ULK4: variants seen among roughly 807,000 people sequenced by gnomAD.
ULK4 encodes inactive serine/threonine-protein kinase ULK4.
ULK4 carries 133 observed loss-of-function variants against 160.6 expected under a neutral mutation model. The observed-to-expected ratio is 0.83, with a 90% CI of 0.72 to 0.96. ULK4 has a LOEUF of 0.96. Ranked by LOEUF, ULK4 falls within the 40% of genes least tolerant of loss-of-function variation. ULK4 has a pLI of 0.00. For missense variants in ULK4, 1,580 were observed against 1,499.5 expected (o/e 1.05, Z -0.89); for synonymous variants, 534 against 539.8 (o/e 0.99, Z 0.15).
intron 32 of ULK4, among the ~76,000 whole-genome samples, chr3:41,492,029 A>G (rs1455277633): frequency 3.3e-5 from 5 of 151,850 alleles, no homozygotes; most frequent in African/African-American, 7.3e-5. Flanking sequence ...ATGATTTCCA[A>G]TTTCATCCAT....
At chr3:41,878,675 TAAAAAAA>T (rs33987084) in intron 17 of ULK4, among the ~76,000 whole-genome samples, 1 of 95,934 alleles carries the variant, frequency 1.0e-5, no homozygotes, top group African/African-American at 4.0e-5. Flanking sequence ...TTAAAACTGT[TAAAAAAA>T]AAAAAAAAAA....
chr3:41,727,044 T>C (rs2037676398), intron 22 of ULK4, among the ~76,000 whole-genome samples: 1 of 152,154 alleles, frequency 6.6e-6, no homozygotes, highest in African/African-American at 2.4e-5. Context: ...ATCTCTCTGA[T>C]TCATTCCCTC....
At chr3:41,806,021 C>T (rs1196113792) in intron 19 of ULK4, among the ~76,000 whole-genome samples, 1 of 144,234 alleles carries the variant, frequency 6.9e-6, no homozygotes, top group Non-Finnish European at 1.5e-5. Flanking sequence ...GGAGGATTCC[C>T]TCTTTTTCTA....
At chr3:41,649,718 C>A (rs1238755284) in intron 30 of ULK4, among the ~76,000 whole-genome samples, 1 of 152,204 alleles carries the variant, frequency 6.6e-6, no homozygotes, top group African/African-American at 2.4e-5. Context: ...AGGTGCCCCA[C>A]AGCACAAACA....
At position 41,775,912 on chromosome 3, in the gene ULK4, C is replaced by G. The variant is rs563537789; in HGVS notation, c.2193+13749G>C. On this transcript the variant is annotated intron_variant, in intron 21 of 36. Coordinates refer to ENST00000301831, the MANE Select transcript of ULK4 (RefSeq NM_017886.4). The stretch of plus-strand genomic sequence containing the variant: ...CCACAAGGATATAAGTTTAATTATC[C>G]AATCTCTTGTTGGTTAACTTTTACA... 2.7e-5 allele frequency among the ~76,000 whole-genome samples: 4 copies of G among 150,878 alleles called. No individual in the cohort carries two copies. The East Asian group carries it at 7.7e-4, about 29-fold the overall frequency.
At chr3:41,775,381 T>C (rs975215991) in intron 21 of ULK4, among the ~76,000 whole-genome samples, 10 of 149,122 alleles carry the variant, frequency 6.7e-5, no homozygotes, top group African/African-American at 2.6e-4. Context: ...GAAAATAATA[T>C]ATATATGGTG....
At chr3:41,520,615 A>G (rs2085900872) in intron 32 of ULK4, among the ~76,000 whole-genome samples, 1 of 152,184 alleles carries the variant, frequency 6.6e-6, no homozygotes, top group Non-Finnish European at 1.5e-5. Context: ...TCCTTATTTA[A>G]CGTTCTGAGG....
chr3:41,721,362 A>ATAT (rs1553639902), intron 22 of ULK4, among the ~76,000 whole-genome samples: 44 of 27,958 alleles, frequency 1.6e-3, no homozygotes, highest in East Asian at 2.0e-3. Context: ...ATATATATAT[A>ATAT]TTTTTTTTTT....
intron 22 of ULK4, among the ~76,000 whole-genome samples, chr3:41,743,498 G>A (rs1349021340): frequency 6.6e-6 from 1 of 151,662 alleles, no homozygotes; most frequent in African/African-American, 2.4e-5. Flanking sequence ...ATAATAGAAG[G>A]TTAAGAATAT....
chr3:41,805,545 C>T (rs1226358555), intron 19 of ULK4, among the ~76,000 whole-genome samples: 1 of 151,202 alleles, frequency 6.6e-6, no homozygotes, highest in East Asian at 1.9e-4. Context: ...TGAGAGAGGG[C>T]ATCCCTGTCT....
At chr3:41,563,736 G>A (rs2087686424) in intron 32 of ULK4, among the ~76,000 whole-genome samples, 1 of 152,064 alleles carries the variant, frequency 6.6e-6, no homozygotes, top group Non-Finnish European at 1.5e-5. Flanking sequence ...TCTCTACACT[G>A]TTTATTCTAG....
At chr3:41,459,604 T>C (rs1308395268) in intron 33 of ULK4, among the ~76,000 whole-genome samples, 47 of 152,152 alleles carry the variant, frequency 3.1e-4, no homozygotes, top group Admixed American at 3.1e-3. Flanking sequence ...AAAACTGCTA[T>C]AATAGAGGTA....
chr3:41,407,425 A>C (rs1045864484), intron 34 of ULK4, among the ~76,000 whole-genome samples: 5 of 152,148 alleles, frequency 3.3e-5, no homozygotes, highest in African/African-American at 1.2e-4. Context: ...AATAACAACA[A>C]AAACCCACTA....
intron 35 of ULK4, among the ~76,000 whole-genome samples, chr3:41,305,141 T>C (rs72863449): frequency 0.018 from 2,742 of 152,158 alleles, 97 homozygotes; most frequent in African/African-American, 0.063. Context: ...GAGATAAAAA[T>C]AAATGGGTTG....
At chr3:41,581,492 T>C (rs910597083) in intron 31 of ULK4, among the ~76,000 whole-genome samples, 3 of 152,234 alleles carry the variant, frequency 2.0e-5, no homozygotes, top group African/African-American at 7.2e-5. Flanking sequence ...TTGTTGGTTT[T>C]TCATCATTTT....
intron 2 of ULK4, among the ~76,000 whole-genome samples, chr3:41,939,310 C>G: frequency 6.6e-6 from 1 of 152,012 alleles, no homozygotes; most frequent in Non-Finnish European, 1.5e-5. Flanking sequence ...CAGGTACACA[C>G]CACCACACCC....
chr3:41,589,795 AAT>A (rs2031142264), intron 31 of ULK4, among the ~76,000 whole-genome samples: 2 of 152,198 alleles, frequency 1.3e-5, no homozygotes, highest in Non-Finnish European at 2.9e-5. Flanking sequence ...TCAGAAATGA[AAT>A]ATTGCTACAC....
chr3:41,924,127 A>AGG (rs566393771), intron 5 of ULK4, among the ~76,000 whole-genome samples: 142 of 152,342 alleles, frequency 9.3e-4, no homozygotes, highest in African/African-American at 3.1e-3. Flanking sequence ...CCCTAAAATC[A>AGG]GCATCAATGT....
At chr3:41,388,073 G>T (rs1318664192) in intron 35 of ULK4, among the ~76,000 whole-genome samples, 1 of 152,136 alleles carries the variant, frequency 6.6e-6, no homozygotes, top group African/African-American at 2.4e-5. Flanking sequence ...ATTCTAACTG[G>T]TGTGAGATGG....
Sources: allele counts gnomAD v4.1 joint callset (sites outside exome capture counted in the v4.1 genomes callset), GRCh38; gene constraint gnomAD v4.1.1; transcripts MANE v1.5; gene names NCBI Gene and HGNC (gene_info 2026-07-23, HGNC 2026-07-21).